The following FAF1 variants were observed in gnomAD, a reference collection of about 807,000 sequenced individuals.
FAF1 encodes FAS-associated factor 1.
FAF1 carries 25 observed loss-of-function variants against 92.5 expected under a neutral mutation model. The ratio of observed to expected loss-of-function variants is 0.27; its 90% CI spans 0.20 to 0.38. The LOEUF (loss-of-function observed/expected upper bound fraction) is 0.38. Among genes scored for constraint, FAF1 ranks in the 10% least tolerant of loss-of-function variants. The pLI is 1.00. For missense variants in FAF1, 636 were observed against 793.3 expected, an observed-to-expected ratio of 0.80 and a Z score of 2.38; for synonymous variants, 234 against 273.2, an observed-to-expected ratio of 0.86 and a Z score of 1.42.
At chr1:50,608,512 C>T (rs1251643214) in intron 8 of FAF1, among the ~76,000 whole-genome samples, 2 of 152,246 alleles carry the variant, frequency 1.3e-5, no homozygotes, top group South Asian at 2.1e-4. Context: ...CTGTTCTGTT[C>T]ACTAGGGAAA....
chr1:50,913,889 T>G lies in FAF1; in HGVS notation c.45+45878A>C, dbSNP rs955282850. The stretch of plus-strand genomic sequence containing the variant: ...CAGGTAATTTGTTCTGTTTCCATGC[T>G]CACCAATCCATGTTCTGATGACCAA... On this transcript the variant is annotated intron_variant, in intron 1 of 18. Transcript: ENST00000396153. Among the ~76,000 whole-genome samples the G allele has an allele frequency of 2.6e-5, 4 of 152,308 alleles. No individual in the cohort carries two copies. In the East Asian group the frequency reaches 7.7e-4, roughly 29 times the overall value.
At chr1:50,538,760 T>C (rs1393676285) in intron 14 of FAF1, among the ~76,000 whole-genome samples, 4 of 152,140 alleles carry the variant, frequency 2.6e-5, no homozygotes, top group Non-Finnish European at 4.4e-5. Flanking sequence ...GGAGGTCTTT[T>C]TAAACACTGT....
At chr1:50,947,790 C>A (rs1645182158) in intron 1 of FAF1, among the ~76,000 whole-genome samples, 1 of 152,186 alleles carries the variant, frequency 6.6e-6, no homozygotes, top group Non-Finnish European at 1.5e-5. Flanking sequence ...TTAGTCAAAT[C>A]TTTATTTTCT....
intron 9 of FAF1, among the ~76,000 whole-genome samples, chr1:50,588,991 C>G (rs1651376281): frequency 6.6e-6 from 1 of 152,132 alleles, no homozygotes; most frequent in Admixed American, 6.5e-5. Context: ...CAGGGACCAG[C>G]TAGGGTTAGG....
At chr1:50,919,934 C>G (rs1006831511) in intron 1 of FAF1, among the ~76,000 whole-genome samples, 7 of 152,118 alleles carry the variant, frequency 4.6e-5, no homozygotes, top group African/African-American at 2.4e-5. Context: ...CATACTGTAT[C>G]AACTCACCTA....
chr1:50,786,563 A>T (rs1295435894), intron 4 of FAF1, among the ~76,000 whole-genome samples: 1 of 152,226 alleles, frequency 6.6e-6, no homozygotes, highest in African/African-American at 2.4e-5. Context: ...GACAGGCTAA[A>T]TCTCATATTA....
intron 15 of FAF1, among the ~76,000 whole-genome samples, chr1:50,532,936 T>C (rs1468537057): frequency 6.6e-6 from 1 of 152,162 alleles, no homozygotes; most frequent in Non-Finnish European, 1.5e-5. Flanking sequence ...CTGAGCCTTC[T>C]GAGTAGCTAG....
intron 1 of FAF1, among the ~76,000 whole-genome samples, chr1:50,864,929 A>G (rs1409797954): frequency 1.3e-5 from 2 of 152,056 alleles, no homozygotes; most frequent in Non-Finnish European, 2.9e-5. Context: ...GAAAATTTTC[A>G]CAACCTACTC....
At chr1:50,455,322 T>C (rs1053856655) in intron 18 of FAF1, among the ~76,000 whole-genome samples, 1 of 152,262 alleles carries the variant, frequency 6.6e-6, no homozygotes, top group Non-Finnish European at 1.5e-5. Flanking sequence ...ACATTTTCAA[T>C]GCATTTGAAT....
At chr1:50,759,940 T>C (rs1402686559) in intron 4 of FAF1, among the ~76,000 whole-genome samples, 3 of 152,210 alleles carry the variant, frequency 2.0e-5, no homozygotes, top group Admixed American at 6.5e-5. Flanking sequence ...TTTGGCTGCA[T>C]AAATATCTTC....
At chr1:50,442,745 GGGCCAA>G (rs1321928666) in intron 18 of FAF1, among the ~76,000 whole-genome samples, 4 of 152,210 alleles carry the variant, frequency 2.6e-5, no homozygotes, top group Admixed American at 6.5e-5. Flanking sequence ...GAGGCCCTGG[GGGCCAA>G]GGCCAAGTAT....
intron 6 of FAF1, among the ~76,000 whole-genome samples, chr1:50,712,776 G>A (rs1355910706): frequency 6.6e-6 from 1 of 152,164 alleles, no homozygotes; most frequent in Admixed American, 6.5e-5. Flanking sequence ...CTCAGCTGCA[G>A]CATCCAGGAG....
chr1:50,838,604 AAT>A (rs1408106772), intron 2 of FAF1, among the ~76,000 whole-genome samples: 1 of 149,504 alleles, frequency 6.7e-6, no homozygotes, highest in African/African-American at 2.4e-5. Flanking sequence ...ATAAATTATA[AAT>A]ACACATTATT....
chr1:50,782,546 A>T (rs921363410), intron 4 of FAF1, among the ~76,000 whole-genome samples: 1 of 149,676 alleles, frequency 6.7e-6, no homozygotes, highest in Non-Finnish European at 1.5e-5. Flanking sequence ...AAAATTTTTT[A>T]TTTTTATTTT....
At chr1:50,656,273 G>A (rs1464660244) in intron 7 of FAF1, among the ~76,000 whole-genome samples, 3 of 151,136 alleles carry the variant, frequency 2.0e-5, no homozygotes, top group Admixed American at 6.6e-5. Flanking sequence ...CGGAGGTGGC[G>A]GTGAGCTGAG....
At chr1:50,802,486 A>T (rs1662030914) in intron 2 of FAF1, among the ~76,000 whole-genome samples, 1 of 152,232 alleles carries the variant, frequency 6.6e-6, no homozygotes, top group Non-Finnish European at 1.5e-5. Context: ...AGGTAACAAA[A>T]GGAGGTAGCA....
At chr1:50,532,399 T>C (rs937088375) in intron 15 of FAF1, among the ~76,000 whole-genome samples, 22 of 152,308 alleles carry the variant, frequency 1.4e-4, no homozygotes, top group African/African-American at 5.1e-4. Context: ...TTATACAGCA[T>C]AATCTGTAAA....
chr1:50,824,684 T>G (rs1644078716), intron 2 of FAF1, among the ~76,000 whole-genome samples: 1 of 152,132 alleles, frequency 6.6e-6, no homozygotes, highest in African/African-American at 2.4e-5. Context: ...AGCCAAGATA[T>G]GAAATCAACC....
intron 12 of FAF1, among the ~76,000 whole-genome samples, chr1:50,573,523 C>T (rs1650554994): frequency 6.6e-6 from 1 of 152,194 alleles, no homozygotes; most frequent in African/African-American, 2.4e-5. Context: ...GAACTCCAAG[C>T]TAGTTATCTT....
Sources: allele counts gnomAD v4.1 joint callset (sites outside exome capture counted in the v4.1 genomes callset), GRCh38; gene constraint gnomAD v4.1.1; transcripts MANE v1.5; gene names NCBI Gene and HGNC (gene_info 2026-07-23, HGNC 2026-07-21).